Variants in ELFN1 observed in about 807,000 individuals in gnomAD.
ELFN1 encodes the protein protein ELFN1.
Under a neutral mutation model 7.6 loss-of-function variants are expected in ELFN1, and 6 were observed. The observed-to-expected ratio is 0.79, with a 90% CI of 0.43 to 1.56. The LOEUF is 1.56. Among genes scored for constraint, ELFN1 ranks in the 40% most tolerant of loss-of-function variants. The pLI is 0.01. For missense variants in ELFN1, 1,169 were observed against 1,232.2 expected (o/e 0.95, Z 0.77); for synonymous variants, 657 against 588.1 (o/e 1.12, Z -1.70).
Position 1,743,145 on chromosome 7 carries a change from C to T in ELFN1, c.-293-1159C>T, listed in dbSNP as rs146995708. Reference sequence around the variant, plus strand: ...GGGATGCCTCGCTCCCCGGACGTACCTCCAGCCCCGTCTGCAGGGTCCTTC... The same window carrying T: ...GGGATGCCTCGCTCCCCGGACGTACTTCCAGCCCCGTCTGCAGGGTCCTTC... On this transcript the variant is annotated intron_variant, in intron 3 of 3. Transcript: ENST00000424383. Among the ~76,000 whole-genome samples the T allele has an allele frequency of 1.7e-3, 257 of 152,304 alleles. 1 individual carries two copies. The highest frequency in any genetic ancestry group is 5.7e-3 in the African/African-American group (237 of 41,566).
chr7:1,729,730 G>T (rs1286230707), intron 3 of ELFN1, among the ~76,000 whole-genome samples: 1 of 152,252 alleles, frequency 6.6e-6, no homozygotes, highest in African/African-American at 2.4e-5. Context: ...GCTGTCTTTT[G>T]CAGACAGGGT....
intron 3 of ELFN1, among the ~76,000 whole-genome samples, chr7:1,737,937 T>G (rs1166386436): frequency 6.6e-6 from 1 of 152,198 alleles, no homozygotes; most frequent in Non-Finnish European, 1.5e-5. Flanking sequence ...CGGCCACCCC[T>G]TCCAGCTCCC....
Position 1,739,886 on chromosome 7 carries a change from G to A in ELFN1, c.-293-4418G>A, listed in dbSNP as rs1422080216. 6.6e-6 allele frequency among the ~76,000 whole-genome samples: 1 copy of A among 152,190 alleles called. No homozygotes were observed. Among genetic ancestry groups the A allele is most frequent in the Non-Finnish European group, 1.5e-5 (1 of 68,032 alleles). ...AGGGAGGGGGATGGAAACTGCTGGCGATCCTTCCAAGAAAACCTGCTGCAA... is the reference window on the plus strand; with the variant it reads ...AGGGAGGGGGATGGAAACTGCTGGCAATCCTTCCAAGAAAACCTGCTGCAA... On this transcript the variant is annotated intron_variant, in intron 3 of 3. Coordinates refer to ENST00000424383, the MANE Select transcript of ELFN1 (RefSeq NM_001128636.4). This position sits in a 1 kb window ranked among gnomAD's most constrained non-coding sequence, Gnocchi z 4.6.
intron 3 of ELFN1, among the ~76,000 whole-genome samples, chr7:1,743,094 G>A (rs1374576126): frequency 6.6e-6 from 1 of 152,124 alleles, no homozygotes; most frequent in Non-Finnish European, 1.5e-5. Context: ...GTGGTGGGGG[G>A]GTCCATGGGG....
chr7:1,675,862 G>T (rs1778860607), intron 1 of ELFN1, among the ~76,000 whole-genome samples: 1 of 152,232 alleles, frequency 6.6e-6, no homozygotes, highest in African/African-American at 2.4e-5. Context: ...CCCCGCCAGG[G>T]CTGCATGAAG....
At chr7:1,690,223 G>GT (rs1378135488) in intron 2 of ELFN1, among the ~76,000 whole-genome samples, 1 of 151,906 alleles carries the variant, frequency 6.6e-6, no homozygotes, top group African/African-American at 2.4e-5. Flanking sequence ...ATAGTTGATG[G>GT]GTGAATGGAT....
Position 1,747,330 on chromosome 7 carries a change from A to ACC in ELFN1, c.*248_*249insCC. ...CACACACACACACACACACACACAC[A>ACC]CACACGAGGGACTTCGGAAAACTGT... On this transcript the variant is annotated 3_prime_UTR_variant, in exon 4 of 4. Coordinates refer to ENST00000424383, the MANE Select transcript of ELFN1 (RefSeq NM_001128636.4). 7 of 238,744 alleles carry ACC rather than the reference A, an allele frequency of 2.9e-5. No homozygotes were observed. Among genetic ancestry groups the ACC allele is most frequent in the East Asian group, 1.6e-4 (2 of 12,426 alleles). 14.8% of individuals were successfully genotyped at this position (238,744 alleles called of 1,614,324 possible).
chr7:1,706,706 C>A (rs1456618916), intron 2 of ELFN1, among the ~76,000 whole-genome samples: 1 of 152,240 alleles, frequency 6.6e-6, no homozygotes, highest in East Asian at 1.9e-4. Flanking sequence ...ATCACCTTCA[C>A]CCCTATAAAG....
intron 1 of ELFN1, among the ~76,000 whole-genome samples, chr7:1,677,367 C>T (rs143493174): frequency 3.2e-4 from 49 of 152,306 alleles, no homozygotes; most frequent in African/African-American, 1.0e-3. Flanking sequence ...TCCGGCACCC[C>T]GGCTTCCTCC....
chr7:1,730,475 A>T (rs1056387456), intron 3 of ELFN1, among the ~76,000 whole-genome samples: 5 of 152,242 alleles, frequency 3.3e-5, no homozygotes, highest in Non-Finnish European at 7.3e-5. Context: ...TATCACAGAG[A>T]TAAGAATCGG....
At chr7:1,686,825 A>G (rs1418134925) in intron 1 of ELFN1, among the ~76,000 whole-genome samples, 1 of 151,902 alleles carries the variant, frequency 6.6e-6, no homozygotes, top group African/African-American at 2.4e-5. Context: ...GCACATGTGG[A>G]AGGCTTATCA....
intron 1 of ELFN1, among the ~76,000 whole-genome samples, chr7:1,676,467 C>T (rs886860790): frequency 9.9e-5 from 15 of 152,214 alleles, no homozygotes; most frequent in African/African-American, 3.1e-4. Context: ...GCCTCTCCTC[C>T]GTCATGTGAG....
chr7:1,677,003 T>C (rs1033120079), intron 1 of ELFN1, among the ~76,000 whole-genome samples: 1 of 152,132 alleles, frequency 6.6e-6, no homozygotes, highest in Non-Finnish European at 1.5e-5. Flanking sequence ...CTGAAAGCCA[T>C]GAGGGTAGCC....
intron 2 of ELFN1, among the ~76,000 whole-genome samples, chr7:1,694,599 T>G (rs1449961385): frequency 3.3e-5 from 5 of 152,054 alleles, no homozygotes; most frequent in African/African-American, 1.2e-4. Context: ...ACCCCCCACC[T>G]CCCTGAGACA....
intron 3 of ELFN1, among the ~76,000 whole-genome samples, chr7:1,743,596 C>T (rs1359504556): frequency 2.6e-5 from 4 of 152,148 alleles, no homozygotes; most frequent in African/African-American, 7.2e-5. Context: ...ACAGGGCGGG[C>T]GAGCTCAGAC....
At chr7:1,677,701 T>C (rs981124840) in intron 1 of ELFN1, among the ~76,000 whole-genome samples, 2 of 152,074 alleles carry the variant, frequency 1.3e-5, no homozygotes, top group African/African-American at 2.4e-5. Flanking sequence ...TGTGGGTTCA[T>C]GAATGATCGT....
intron 3 of ELFN1, 116 bp downstream of exon 3, chr7:1,709,368 A>C (rs1779602866): frequency 6.6e-6 from 1 of 152,398 alleles, no homozygotes; most frequent in Non-Finnish European, 1.5e-5. Flanking sequence ...AGACAGAGCC[A>C]GGTGTCCTGC....
chr7:1,746,665 T>C lies in ELFN1; in HGVS notation c.2069T>C (p.Leu690Pro). The change falls in exon 4 of 4, where the codon CTG (leucine) becomes CCG (proline). Residue 690 changes from leucine (L) to proline (P), a missense_variant. Transcript: ENST00000424383. Reference sequence around the variant, plus strand: ...ACTGTGACACCCGCGGCCGCCGTGCTGCGGGCCGAGGCCGAGAAGGGTCGC... The same window carrying C: ...ACTGTGACACCCGCGGCCGCCGTGCCGCGGGCCGAGGCCGAGAAGGGTCGC... ...ILTVTPAAAV[L>P]RAEAEKGRQY... 6 of 1,380,476 alleles carry C rather than the reference T, an allele frequency of 4.3e-6. No individual in the cohort carries two copies. Among genetic ancestry groups the C allele is most frequent in the Non-Finnish European group, 5.6e-6 (6 of 1,073,270 alleles). The allele number at this position is 1,380,476 out of a possible 1,614,324, so 85.5% of individuals were successfully genotyped here.
intron 2 of ELFN1, among the ~76,000 whole-genome samples, chr7:1,708,225 G>C (rs1329088840): frequency 1.3e-5 from 2 of 152,224 alleles, no homozygotes; most frequent in East Asian, 3.8e-4. Context: ...CTCAGCCTCA[G>C]TTTCCCTATC....
Sources: gnomAD v4.1 joint callset for allele counts (sites outside exome capture counted in the v4.1 genomes callset) on GRCh38, gnomAD v4.1.1 for gene constraint, Gnocchi (gnomAD v3.1) non-coding constraint, MANE v1.5 for transcripts, NCBI Gene and HGNC (gene_info 2026-07-23, HGNC 2026-07-21) for gene names.